Variants in POMT1 observed in about 807,000 individuals in gnomAD.
The protein encoded by POMT1 is protein O-mannosyltransferase 1.
A neutral mutation model predicts 101.6 loss-of-function variants in POMT1; 85 were observed. The observed-to-expected ratio is 0.84, with a 90% CI of 0.70 to 1.00. POMT1 has a LOEUF of 1.00. Among genes scored for constraint, POMT1 ranks in the 50% least tolerant of loss-of-function variants. The pLI is 0.00. For missense variants in POMT1, 857 were observed against 930.4 expected, an observed-to-expected ratio of 0.92 and a Z score of 1.03; for synonymous variants, 371 against 383.0, an observed-to-expected ratio of 0.97 and a Z score of 0.37.
At position 131,513,096 on chromosome 9, in the gene POMT1, T is replaced by C; in HGVS notation, c.1083-143T>C. The C allele has an allele frequency of 4.2e-6, 3 of 710,096 alleles. No homozygotes were observed. The South Asian group carries it at 4.5e-5, about 11-fold the overall frequency. 44.0% of individuals were successfully genotyped at this position (710,096 alleles called of 1,614,324 possible). A position where few individuals can be genotyped will look rare whatever the true frequency, so the allele number is the denominator to read the frequency against. ...AGCCCAATTAATGTCTGTGCTTTGG[T>C]TTCCTGTGTTCACCTCATGTGAGGC... is the stretch of plus-strand genomic sequence containing the variant. On this transcript the variant is annotated intron_variant, in intron 11 of 19. Coordinates refer to ENST00000402686, the MANE Select transcript of POMT1 (RefSeq NM_001077365.2).
At chr9:131,515,767 A>AACACAGGACACTTCCTC (rs1564366633) in intron 13 of POMT1, among the ~76,000 whole-genome samples, 1 of 26,016 alleles carries the variant, frequency 3.8e-5, no homozygotes, top group Non-Finnish European at 8.8e-5. Context: ...CACTTCCTCT[A>AACACAGGACACTTCCTC]ACATGGAGCA....
At chr9:131,510,874 A>T in intron 9 of POMT1, 1 of 321,856 alleles carries the variant, frequency 3.1e-6, no homozygotes. Context: ...GACCACACTC[A>T]ACTGTGACCT....
chr9:131,523,697 C>T lies in POMT1; in HGVS notation c.*591C>T, dbSNP rs1012682271. ...CCTCCCCTCTGAGACTCCACTGAGA[C>T]GTGGCTGAGTGAAATCTTCCTCGTC... is the stretch of plus-strand genomic sequence containing the variant. On this transcript the variant is annotated 3_prime_UTR_variant, in exon 20 of 20. Transcript: ENST00000402686. 1.1e-4 allele frequency: 17 copies of T among 161,396 alleles called. No homozygotes were observed. The highest frequency in any genetic ancestry group is 3.3e-3 in the Middle Eastern group (1 of 306). 10.0% of individuals were successfully genotyped at this position (161,396 alleles called of 1,614,324 possible).
intron 11 of POMT1, 22 bp downstream of exon 11, chr9:131,512,158 C>T (rs891019192): frequency 1.5e-5 from 24 of 1,611,818 alleles, no homozygotes; most frequent in Non-Finnish European, 1.9e-5. Context: ...TCCTGTGACT[C>T]CAGAGCAGAG....
At chr9:131,511,515 C>T in intron 10 of POMT1, 48 bp downstream of exon 10, 3 of 1,609,654 alleles carry the variant, frequency 1.9e-6, no homozygotes, top group Non-Finnish European at 2.6e-6. Flanking sequence ...TTTATTTGCT[C>T]GTAGATTTGC....
At chr9:131,515,387 T>C in intron 12 of POMT1, 39 bp from the exon 13 acceptor site, 1 of 1,594,120 alleles carries the variant, frequency 6.3e-7, no homozygotes, top group Non-Finnish European at 8.6e-7. Flanking sequence ...TCCAGAGGAG[T>C]TCAAGGAATT....
rs1047933067 is a variant in POMT1, at chr9:131,504,893, T to C, written c.122+553T>C. 2.1e-3 allele frequency among the ~76,000 whole-genome samples: 314 copies of C among 151,916 alleles called. 2 individuals carry two copies. The highest frequency in any genetic ancestry group is 7.2e-3 in the African/African-American group (299 of 41,402). The stretch of plus-strand genomic sequence containing the variant: ...TCCTGGGTTCAAGCAATTCTCTGCC[T>C]CAGCCTCCCGAGTAGCTGAGATTAC... On this transcript the variant is annotated intron_variant, in intron 2 of 19. Transcript: ENST00000402686.
rs119462985 is a variant in POMT1 at position 131,518,945 on chromosome 9, C to G, written c.1474C>G (p.Arg492Gly). Residue 492 changes from arginine (R) to glycine (G), a missense_variant, in exon 15 of 20, where the codon CGA becomes GGA. Transcript: ENST00000402686. ...GSTVWNVEEH[R>G]YGASQEQRER... ...CACGGTGTGGAACGTGGAGGAGCACCGATACGGCGCGAGTGAGTCCGCGGC... is the reference window on the plus strand; with the variant it reads ...CACGGTGTGGAACGTGGAGGAGCACGGATACGGCGCGAGTGAGTCCGCGGC... The G allele has an allele frequency of 6.2e-7, 1 of 1,613,534 alleles. No homozygotes were observed. The highest frequency in any genetic ancestry group is 1.3e-5 in the African/African-American group (1 of 75,034).
chr9:131,517,862 C>T (rs986379863), intron 13 of POMT1, among the ~76,000 whole-genome samples: 2 of 152,248 alleles, frequency 1.3e-5, no homozygotes, highest in Non-Finnish European at 2.9e-5. Flanking sequence ...GCCAGGCCTC[C>T]TCATGCCTGC....
In POMT1 at chr9:131,522,956, C is replaced by T. The variant is rs1242071543; in HGVS notation, c.2028C>T (p.Phe676=). ...LCRSQLQRSI[F]SALVVAWYSS... ...GGTCCCAGCTCCAGAGGAGCATCTT[C>T]AGCGCCCTGGTGGTGGCCTGGTACT... Residue 676 remains phenylalanine, a synonymous_variant, in exon 20 of 20, where the codon TTC becomes TTT. Coordinates refer to ENST00000402686, the MANE Select transcript of POMT1 (RefSeq NM_001077365.2). The surrounding 1 kb of genome is among the most constrained non-coding windows in gnomAD (Gnocchi z 5.5). 3 of 1,597,638 alleles carry T rather than the reference C, an allele frequency of 1.9e-6. No individual in the cohort carries two copies. The highest frequency in any genetic ancestry group is 1.7e-5 in the Admixed American group (1 of 58,320).
chr9:131,510,568 C>A, intron 9 of POMT1, 153 bp downstream of exon 9: 2 of 1,060,066 alleles, frequency 1.9e-6, no homozygotes, highest in Non-Finnish European at 2.8e-6. Flanking sequence ...GGGATGGAGT[C>A]TTACTCTGTC....
intron 6 of POMT1, 61 bp from the exon 7 acceptor site, chr9:131,509,682 C>G: frequency 1.9e-6 from 3 of 1,613,936 alleles, no homozygotes; most frequent in Non-Finnish European, 2.5e-6. Context: ...TGGAGCTTCA[C>G]TAGCCTTTTG....
rs759191407 is a variant in POMT1 at position 131,522,119 on chromosome 9, TC to T, written c.1900del (p.Leu634Ter). 6.2e-7 allele frequency: 1 copy of T among 1,614,108 alleles called. No homozygotes were observed. The highest frequency in any genetic ancestry group is 1.1e-5 in the South Asian group (1 of 91,084). On this transcript the variant is annotated frameshift_variant, in exon 19 of 20. Transcript: ENST00000402686. LOFTEE classifies it high-confidence loss of function. This position sits in a 1 kb window ranked among gnomAD's most constrained non-coding sequence, Gnocchi z 5.5. ...GGWAVNYLPF[F>X]LMEKTLFLYH... ...TGGGCAGTGAACTACCTCCCGTTCTTCCTGATGGAGAAGACACTCTTCCTCT... is the reference window on the plus strand; with the variant it reads ...TGGGCAGTGAACTACCTCCCGTTCTTCTGATGGAGAAGACACTCTTCCTCT...
intron 13 of POMT1, among the ~76,000 whole-genome samples, chr9:131,516,251 CCTCACACGGAACACT>C (rs1208951613): frequency 1.1e-4 from 17 of 151,128 alleles, no homozygotes; most frequent in African/African-American, 4.1e-4. Flanking sequence ...CGGAACACTT[CCTCACACGGAACACT>C]TCCTCACACG....
Position 131,522,565 on chromosome 9 carries a change from G to A in POMT1, c.2003+341G>A, listed in dbSNP as rs945943540. On this transcript the variant is annotated intron_variant, in intron 19 of 19. Transcript: ENST00000402686. This position sits in a 1 kb window ranked among gnomAD's most constrained non-coding sequence, Gnocchi z 5.5. ...CGGCAGCTGGTTATGGTCGGGTTGT[G>A]TGGTGTGGTGGAGAGAACCCAAGAA... 2 of 527,438 alleles carry A rather than the reference G, an allele frequency of 3.8e-6. No homozygotes were observed. The highest frequency in any genetic ancestry group is 6.8e-6 in the Non-Finnish European group (2 of 292,182). 32.7% of individuals were successfully genotyped at this position (527,438 alleles called of 1,614,324 possible). A position where few individuals can be genotyped will look rare whatever the true frequency, so the allele number is the denominator to read the frequency against.
intron 10 of POMT1, 50 bp from the exon 11 acceptor site, chr9:131,511,991 C>G (rs1399047630): frequency 6.2e-7 from 1 of 1,605,890 alleles, no homozygotes. Context: ...GATTACAGGC[C>G]TGAGCCACCG....
intron 4 of POMT1, 87 bp downstream of exon 4, chr9:131,506,540 T>A: frequency 7.8e-7 from 1 of 1,284,872 alleles, no homozygotes; most frequent in Non-Finnish European, 1.1e-6. Context: ...AACTGTGGCT[T>A]TTTTTTTCCT....
At chr9:131,506,739 A>G in intron 4 of POMT1, 1 of 448,624 alleles carries the variant, frequency 2.2e-6, no homozygotes, top group South Asian at 2.2e-5. Flanking sequence ...TCGGTTGTAC[A>G]TGTGAATTTT....
At position 131,519,427 on chromosome 9, in the gene POMT1, C is replaced by A; in HGVS notation, c.1525C>A (p.Pro509Thr). The change falls in exon 16 of 20, where the codon CCT (proline) becomes ACT (threonine). Residue 509 changes from proline to threonine, a missense_variant. Physicochemically the swap from Pro to Thr is conservative, Grantham distance 38. Coordinates refer to ENST00000402686, the MANE Select transcript of POMT1 (RefSeq NM_001077365.2). This position sits in a 1 kb window ranked among gnomAD's most constrained non-coding sequence, Gnocchi z 4.3. ...GGAGCGGGAACGGGAGCTGCACTCA[C>A]CTGCGCAGGTGGACGTCAGCAGGAA... ...QRERERELHS[P>T]AQVDVSRNLS... 4.5e-6 allele frequency: 7 copies of A among 1,552,044 alleles called. No individual in the cohort carries two copies. The highest frequency in any genetic ancestry group is 5.2e-6 in the Non-Finnish European group (6 of 1,147,266).
Sources: allele counts gnomAD v4.1 joint callset (sites outside exome capture counted in the v4.1 genomes callset), GRCh38; gene constraint gnomAD v4.1.1; non-coding constraint Gnocchi (gnomAD v3.1); transcripts MANE v1.5; gene names NCBI Gene and HGNC (gene_info 2026-07-23, HGNC 2026-07-21).